Variants in CNTNAP5 observed in about 807,000 individuals in gnomAD.
The protein encoded by CNTNAP5 is contactin-associated protein-like 5.
A neutral mutation model predicts 150.2 loss-of-function variants in CNTNAP5; 72 were observed. The observed-to-expected ratio is 0.48, with a 90% CI of 0.40 to 0.58. The LOEUF (loss-of-function observed/expected upper bound fraction) is 0.58. Among genes scored for constraint, CNTNAP5 ranks in the 20% least tolerant of loss-of-function variants. CNTNAP5 has a pLI of 0.00. For missense variants in CNTNAP5, 1,636 were observed against 1,626.2 expected (o/e 1.01, Z -0.10); for synonymous variants, 672 against 619.8 (o/e 1.08, Z -1.25).
intron 13 of CNTNAP5, among the ~76,000 whole-genome samples, chr2:124,679,493 C>A (rs1869500): frequency 0.56 from 85,320 of 151,548 alleles, 25,075 homozygotes; most frequent in African/African-American, 0.65. Flanking sequence ...GAAACTGAGG[C>A]GCTTTTTCCA....
At chr2:124,522,262 G>T (rs1350112410) in intron 8 of CNTNAP5, among the ~76,000 whole-genome samples, 1 of 152,204 alleles carries the variant, frequency 6.6e-6, no homozygotes, top group East Asian at 1.9e-4. Context: ...CTTTGGGGCT[G>T]CTCTGGTAGG....
chr2:124,259,135 G>A (rs2104598686), intron 3 of CNTNAP5, among the ~76,000 whole-genome samples: 1 of 151,936 alleles, frequency 6.6e-6, no homozygotes, highest in African/African-American at 2.4e-5. Flanking sequence ...GCGATAGTGT[G>A]CTGAGAATGA....
At chr2:124,211,184 C>T (rs761844549) in intron 1 of CNTNAP5, among the ~76,000 whole-genome samples, 8 of 152,146 alleles carry the variant, frequency 5.3e-5, no homozygotes, top group South Asian at 4.1e-4. Context: ...TGCTAAAAAC[C>T]GTGTGGATGG....
At chr2:124,291,841 C>T (rs1024862355) in intron 3 of CNTNAP5, among the ~76,000 whole-genome samples, 20 of 152,156 alleles carry the variant, frequency 1.3e-4, no homozygotes, top group African/African-American at 4.6e-4. Context: ...TCCTGTTTGG[C>T]TTATTCACAT....
intron 3 of CNTNAP5, among the ~76,000 whole-genome samples, chr2:124,247,004 G>C (rs1440956741): frequency 6.6e-6 from 1 of 152,072 alleles, no homozygotes; most frequent in Non-Finnish European, 1.5e-5. Flanking sequence ...TAACATGAAG[G>C]ACTTGCATTT....
intron 13 of CNTNAP5, among the ~76,000 whole-genome samples, chr2:124,689,712 C>G (rs550531962): frequency 2.0e-5 from 3 of 151,958 alleles, no homozygotes; most frequent in Non-Finnish European, 4.4e-5. Flanking sequence ...AGAGGTGAGT[C>G]AGTATCTCTG....
chr2:124,579,086 AT>A (rs1335797713), intron 11 of CNTNAP5, among the ~76,000 whole-genome samples: 2 of 152,210 alleles, frequency 1.3e-5, no homozygotes, highest in African/African-American at 4.8e-5. Context: ...TATGGTACAT[AT>A]GTTGCCTCAT....
chr2:124,516,367 G>A (rs1405776333), intron 8 of CNTNAP5, among the ~76,000 whole-genome samples: 1 of 152,164 alleles, frequency 6.6e-6, no homozygotes, highest in African/African-American at 2.4e-5. Context: ...GAGCATGTAT[G>A]AGAGGACATA....
intron 17 of CNTNAP5, among the ~76,000 whole-genome samples, chr2:124,780,312 C>CG (rs1393642617): frequency 5.3e-5 from 8 of 152,138 alleles, no homozygotes; most frequent in Admixed American, 1.3e-4. Flanking sequence ...TGAGACACTC[C>CG]TTTTGGAAAC....
chr2:124,180,777 C>CT (rs1237056943), intron 1 of CNTNAP5, among the ~76,000 whole-genome samples: 1 of 148,278 alleles, frequency 6.7e-6, no homozygotes, highest in African/African-American at 2.5e-5. Flanking sequence ...AAAGCCCCCC[C>CT]AATCTCCCCC....
At chr2:124,250,258 C>T (rs1189889156) in intron 3 of CNTNAP5, among the ~76,000 whole-genome samples, 3 of 152,102 alleles carry the variant, frequency 2.0e-5, no homozygotes, top group Admixed American at 6.6e-5. Flanking sequence ...TAGGGTGGGA[C>T]TGAGAATTTG....
At chr2:124,172,345 A>T (rs1482176345) in intron 1 of CNTNAP5, among the ~76,000 whole-genome samples, 1 of 152,210 alleles carries the variant, frequency 6.6e-6, no homozygotes, top group Non-Finnish European at 1.5e-5. Context: ...AGAAAATATG[A>T]AACACTTGTA....
At position 124,201,673 on chromosome 2, in the gene CNTNAP5, A is replaced by G. The variant is rs1478767726; in HGVS notation, c.83-20032A>G. ...GACAGTAACTATCATGTTAAGCAGTAAGTGACAGGTGCCCCTGTTGTCTGG... is the reference window on the plus strand; with the variant it reads ...GACAGTAACTATCATGTTAAGCAGTGAGTGACAGGTGCCCCTGTTGTCTGG... On this transcript the variant is annotated intron_variant, in intron 1 of 23. Transcript: ENST00000682447. Among the ~76,000 whole-genome samples, 12 of 152,246 alleles carry G rather than the reference A, an allele frequency of 7.9e-5. 1 individual carries two copies. The highest frequency in any genetic ancestry group is 6.5e-4 in the Admixed American group (10 of 15,286).
chr2:124,068,850 C>A (rs1470489479), intron 1 of CNTNAP5, among the ~76,000 whole-genome samples: 1 of 151,972 alleles, frequency 6.6e-6, no homozygotes, highest in South Asian at 2.1e-4. Context: ...TCTAGATATA[C>A]CGTAGGCCAG....
rs535064471 is a variant in CNTNAP5, at chr2:124,456,616, G to C, written c.918+9679G>C. Among the ~76,000 whole-genome samples, 11 of 151,934 alleles carry C rather than the reference G, an allele frequency of 7.2e-5. No individual in the cohort carries two copies. The South Asian group carries it at 1.2e-3, about 17-fold the overall frequency. On this transcript the variant is annotated intron_variant, in intron 6 of 23. Transcript: ENST00000682447. ...AAAGGAGCCCACATAGTCAAAACAA[G>C]ACTAAGCAAAAAACAAATCTGGAGG... is the stretch of plus-strand genomic sequence containing the variant.
intron 19 of CNTNAP5, among the ~76,000 whole-genome samples, chr2:124,809,827 A>C (rs1285342391): frequency 6.6e-6 from 1 of 152,206 alleles, no homozygotes; most frequent in African/African-American, 2.4e-5. Context: ...GCAAAGATAT[A>C]ATTGAAAATA....
chr2:124,865,214 G>GC, intron 19 of CNTNAP5, 92 bp from the exon 20 acceptor site: 3 of 974,552 alleles, frequency 3.1e-6, no homozygotes, highest in Non-Finnish European at 4.5e-6. Flanking sequence ...AAGACCTGGG[G>GC]CCCTAATAAT....
At chr2:124,290,813 A>C (rs868736418) in intron 3 of CNTNAP5, among the ~76,000 whole-genome samples, 1 of 152,134 alleles carries the variant, frequency 6.6e-6, no homozygotes, top group Non-Finnish European at 1.5e-5. Flanking sequence ...TTCTGATTTC[A>C]ACTCTTACTC....
At chr2:124,041,660 C>A (rs1044516282) in intron 1 of CNTNAP5, among the ~76,000 whole-genome samples, 4 of 151,970 alleles carry the variant, frequency 2.6e-5, no homozygotes, top group Non-Finnish European at 5.9e-5. Flanking sequence ...GTTGTCACAG[C>A]TTGGGGGTTT....
Sources: gnomAD v4.1 joint callset for allele counts (sites outside exome capture counted in the v4.1 genomes callset) on GRCh38, gnomAD v4.1.1 for gene constraint, MANE v1.5 for transcripts, NCBI Gene and HGNC (gene_info 2026-07-23, HGNC 2026-07-21) for gene names.